Variants in CEP112 observed in about 807,000 individuals in gnomAD.
The protein encoded by CEP112 is centrosomal protein of 112 kDa.
CEP112 carries 127 observed loss-of-function variants against 153.0 expected under a neutral mutation model. The observed-to-expected ratio is 0.83, with a 90% CI of 0.72 to 0.96. CEP112 has a LOEUF of 0.96. Among genes scored for constraint, CEP112 ranks in the 40% least tolerant of loss-of-function variants. The probability of loss-of-function intolerance (pLI) is 0.00; values close to 1 mark genes in which losing one functional copy is unlikely to be tolerated. For missense variants in CEP112, 1,089 were observed against 1,101.2 expected (o/e 0.99, Z 0.16); for synonymous variants, 358 against 374.4 (o/e 0.96, Z 0.51).
At chr17:65,695,270 C>A (rs1427915004) in intron 23 of CEP112, among the ~76,000 whole-genome samples, 2 of 152,142 alleles carry the variant, frequency 1.3e-5, no homozygotes, top group Non-Finnish European at 2.9e-5. Context: ...ATAATGAGAG[C>A]AAATTAAAGT....
intron 20 of CEP112, among the ~76,000 whole-genome samples, chr17:65,879,166 C>T (rs2058962088): frequency 6.6e-6 from 1 of 152,152 alleles, no homozygotes; most frequent in Non-Finnish European, 1.5e-5. Flanking sequence ...GGGAAATTCC[C>T]CTGAATTATG....
intron 16 of CEP112, among the ~76,000 whole-genome samples, chr17:66,011,921 TATTTAGGATA>T (rs1453822427): frequency 1.3e-5 from 2 of 152,326 alleles, no homozygotes; most frequent in African/African-American, 4.8e-5. Flanking sequence ...GGTGCATATA[TATTTAGGATA>T]ATTAGGTTTT....
intron 12 of CEP112, among the ~76,000 whole-genome samples, chr17:66,050,687 C>A (rs9906770): frequency 0.52 from 78,367 of 151,880 alleles, 21,094 homozygotes; most frequent in African/African-American, 0.59. Context: ...GGCCTTCTAG[C>A]AATTTATGTG....
rs568092811 is a variant in CEP112, at chr17:66,003,717, G to A, written c.1736+1973C>T. 4.6e-5 allele frequency among the ~76,000 whole-genome samples: 7 copies of A among 152,262 alleles called. No individual in the cohort carries two copies. In the South Asian group the frequency reaches 1.5e-3, roughly 32 times the overall value. ...CAGGCCACAGCAAGAGGTGAGCCCC[G>A]GGCAAGCCAGCATTGCCACCTGAGC... On this transcript the variant is annotated intron_variant, in intron 17 of 26. Transcript: ENST00000535342.
chr17:66,114,411 T>C (rs1262258328), intron 6 of CEP112, among the ~76,000 whole-genome samples: 1 of 152,158 alleles, frequency 6.6e-6, no homozygotes, highest in African/African-American at 2.4e-5. Flanking sequence ...AATAGAGAAG[T>C]TTTACATTTC....
At chr17:66,000,492 T>TTAA (rs2063989029) in intron 17 of CEP112, among the ~76,000 whole-genome samples, 2 of 139,844 alleles carry the variant, frequency 1.4e-5, no homozygotes, top group South Asian at 2.4e-4. Flanking sequence ...GTCAGTAGAT[T>TTAA]AAAAAAAAAA....
At chr17:66,099,780 A>G (rs1216809835) in intron 6 of CEP112, among the ~76,000 whole-genome samples, 1 of 152,194 alleles carries the variant, frequency 6.6e-6, no homozygotes, top group Non-Finnish European at 1.5e-5. Flanking sequence ...ACCTGCCAGC[A>G]GAAGGAAACA....
intron 21 of CEP112, among the ~76,000 whole-genome samples, chr17:65,788,099 G>C (rs2054376436): frequency 6.6e-6 from 1 of 152,024 alleles, no homozygotes; most frequent in Admixed American, 6.6e-5. Flanking sequence ...CCTATTCCTA[G>C]CTTATTAAGA....
At chr17:66,143,921 C>G (rs2070811485) in intron 4 of CEP112, among the ~76,000 whole-genome samples, 1 of 152,172 alleles carries the variant, frequency 6.6e-6, no homozygotes, top group Non-Finnish European at 1.5e-5. Flanking sequence ...CAATCTGCCT[C>G]CTATTTCTCT....
chr17:66,066,661 C>G, intron 10 of CEP112, 117 bp downstream of exon 10: 1 of 632,144 alleles, frequency 1.6e-6, no homozygotes, highest in Non-Finnish European at 2.4e-6. Context: ...CTGATGAAAC[C>G]CCACATAAAC....
At chr17:66,142,067 G>A (rs1048911393) in intron 4 of CEP112, among the ~76,000 whole-genome samples, 11 of 152,090 alleles carry the variant, frequency 7.2e-5, no homozygotes, top group African/African-American at 2.7e-4. Flanking sequence ...TTTGATAATA[G>A]TCATTCTAAC....
intron 6 of CEP112, among the ~76,000 whole-genome samples, chr17:66,124,863 T>C (rs2069768692): frequency 6.6e-6 from 1 of 152,196 alleles, no homozygotes; most frequent in Non-Finnish European, 1.5e-5. Context: ...GAATTCTTGG[T>C]TGTGGGAGAA....
chr17:66,169,742 A>ATT (rs1214535423), intron 4 of CEP112, among the ~76,000 whole-genome samples: 3 of 152,208 alleles, frequency 2.0e-5, no homozygotes, highest in Admixed American at 6.5e-5. Context: ...ATAAACATGT[A>ATT]TTATATATAT....
chr17:65,904,007 A>G (rs2059975260), intron 19 of CEP112, among the ~76,000 whole-genome samples: 2 of 152,198 alleles, frequency 1.3e-5, no homozygotes, highest in South Asian at 4.1e-4. Flanking sequence ...AGCCAATATC[A>G]TACTGAATGG....
chr17:66,005,194 G>T (rs2064222216), intron 17 of CEP112, among the ~76,000 whole-genome samples: 1 of 152,118 alleles, frequency 6.6e-6, no homozygotes, highest in African/African-American at 2.4e-5. Flanking sequence ...TAAATGAATG[G>T]AGAAGACAAA....
intron 21 of CEP112, among the ~76,000 whole-genome samples, chr17:65,808,848 G>A (rs2086770499): frequency 6.6e-6 from 1 of 152,136 alleles, no homozygotes; most frequent in Non-Finnish European, 1.5e-5. Context: ...AAATTACCCA[G>A]TCTCAGGTAG....
intron 4 of CEP112, among the ~76,000 whole-genome samples, chr17:66,159,776 CT>C (rs1230246830): frequency 1.3e-5 from 2 of 152,096 alleles, no homozygotes; most frequent in Non-Finnish European, 2.9e-5. Context: ...CAAGTATTCC[CT>C]TTGAAAACCG....
intron 22 of CEP112, among the ~76,000 whole-genome samples, chr17:65,749,493 G>A (rs1209143004): frequency 6.6e-6 from 1 of 152,004 alleles, no homozygotes; most frequent in Non-Finnish European, 1.5e-5. Flanking sequence ...GGGCAACAGA[G>A]CGAGGCTCTG....
intron 20 of CEP112, among the ~76,000 whole-genome samples, chr17:65,899,737 G>T (rs965882580): frequency 1.3e-5 from 2 of 152,054 alleles, no homozygotes; most frequent in African/African-American, 4.8e-5. Flanking sequence ...TATTTCACTG[G>T]TCCTCTTTTG....
Sources: allele counts gnomAD v4.1 joint callset (sites outside exome capture counted in the v4.1 genomes callset), GRCh38; gene constraint gnomAD v4.1.1; transcripts MANE v1.5; gene names NCBI Gene and HGNC (gene_info 2026-07-23, HGNC 2026-07-21).